CCDC170: variants seen among roughly 807,000 people sequenced by gnomAD.
CCDC170 encodes the protein coiled-coil domain-containing protein 170.
In CCDC170, 69 loss-of-function variants were observed where a neutral mutation model predicts 72.6. The observed-to-expected ratio is 0.95, with a 90% confidence interval of 0.78 to 1.16. The LOEUF (loss-of-function observed/expected upper bound fraction) is 1.16. CCDC170 is among the 50% of genes most tolerant of loss of function. The pLI, the probability that CCDC170 is intolerant of heterozygous loss-of-function variation, is 0.00. For synonymous variants in CCDC170, 300 were observed against 303.9 expected (o/e 0.99, Z 0.13); for missense variants, 852 against 832.5 (o/e 1.02, Z -0.29).
chr6:151,561,433 G>C (rs1199507208), intron 5 of CCDC170, among the ~76,000 whole-genome samples: 2 of 151,814 alleles, frequency 1.3e-5, no homozygotes, highest in African/African-American at 2.4e-5. Context: ...TTCTCTTACT[G>C]TTTGCTTGTC....
chr6:151,588,931 G>A (rs962848478), intron 7 of CCDC170, among the ~76,000 whole-genome samples: 3 of 151,646 alleles, frequency 2.0e-5, no homozygotes, highest in Admixed American at 6.6e-5. Flanking sequence ...GTGAGACCCC[G>A]TCTCAAAACA....
At chr6:151,508,995 A>G (rs1782103322) in intron 1 of CCDC170, among the ~76,000 whole-genome samples, 1 of 146,642 alleles carries the variant, frequency 6.8e-6, no homozygotes, top group Admixed American at 7.0e-5. Context: ...AGCCTGGGCA[A>G]CAAGAGCGAA....
chr6:151,562,881 G>T (rs78430543), intron 5 of CCDC170, among the ~76,000 whole-genome samples: 2,819 of 152,238 alleles, frequency 0.019, 99 homozygotes, highest in African/African-American at 0.064. Flanking sequence ...GGGCTGGGGA[G>T]TGTCCTTGCT....
chr6:151,531,535 TC>T (rs1319179291), intron 1 of CCDC170, among the ~76,000 whole-genome samples: 1 of 152,164 alleles, frequency 6.6e-6, no homozygotes, highest in Non-Finnish European at 1.5e-5. Context: ...ACCCAGGATG[TC>T]AAGGCTTAAG....
Position 151,569,668 on chromosome 6 carries a change from G to T in CCDC170, c.775-3506G>T, listed in dbSNP as rs1776191266. The stretch of plus-strand genomic sequence containing the variant: ...GCCGCTTGCTTCGGCGTATCCTTGA[G>T]GTAGCCATGGAACCAGAATCCACTC... On this transcript the variant is annotated intron_variant, in intron 5 of 10. Coordinates refer to ENST00000239374, the MANE Select transcript of CCDC170 (RefSeq NM_025059.4). Among the ~76,000 whole-genome samples the T allele has an allele frequency of 1.3e-5, 2 of 152,166 alleles. 1 individual carries two copies. Among genetic ancestry groups the T allele is most frequent in the South Asian group, 4.1e-4 (2 of 4,828 alleles).
intron 1 of CCDC170, among the ~76,000 whole-genome samples, chr6:151,533,262 G>A (rs554388937): frequency 6.6e-6 from 1 of 151,424 alleles, no homozygotes; most frequent in Non-Finnish European, 1.5e-5. Context: ...CACCATGTTA[G>A]CCAGGATGGT....
intron 1 of CCDC170, among the ~76,000 whole-genome samples, chr6:151,512,960 G>A (rs543885223): frequency 3.3e-5 from 5 of 152,262 alleles, no homozygotes; most frequent in African/African-American, 1.2e-4. Flanking sequence ...TGGTGGGAGT[G>A]TAAGTTGGTG....
Position 151,586,076 on chromosome 6 carries a change from T to C in CCDC170, c.1280T>C (p.Phe427Ser), listed in dbSNP as rs1313744847. 2.5e-6 allele frequency: 4 copies of C among 1,614,064 alleles called. No individual in the cohort carries two copies. The highest frequency in any genetic ancestry group is 3.4e-6 in the Non-Finnish European group (4 of 1,179,964). Reference sequence around the variant, plus strand: ...GGTGTTTTGCGAGACAACTTGAATTTTGAGAAACAAAAAGTAATGACCCGA... The same window carrying C: ...GGTGTTTTGCGAGACAACTTGAATTCTGAGAAACAAAAAGTAATGACCCGA... ...SGGVLRDNLN[F>S]EKQKYLKFLD... The change falls in exon 7 of 11, where the codon TTT (phenylalanine) becomes TCT (serine). Residue 427 changes from phenylalanine to serine, a missense_variant. Physicochemically the swap from Phe to Ser is radical, Grantham distance 155 (BLOSUM62 -2). Coordinates refer to ENST00000239374, the MANE Select transcript of CCDC170 (RefSeq NM_025059.4).
intron 3 of CCDC170, among the ~76,000 whole-genome samples, chr6:151,542,767 C>T (rs978206321): frequency 6.6e-6 from 1 of 152,118 alleles, no homozygotes; most frequent in African/African-American, 2.4e-5. Flanking sequence ...GTTTAGAGAC[C>T]TTTGGAATGG....
At position 151,528,793 on chromosome 6, in the gene CCDC170, G is replaced by A. The variant is rs181798575; in HGVS notation, c.58-7525G>A. 2.6e-4 allele frequency among the ~76,000 whole-genome samples: 40 copies of A among 152,114 alleles called. 1 individual carries two copies. Among genetic ancestry groups the A allele is most frequent in the African/African-American group, 8.0e-4 (33 of 41,480 alleles). On this transcript the variant is annotated intron_variant, in intron 1 of 10. Transcript: ENST00000239374. ...GTAGAGGTTGCAGTGAGCCAAGATC[G>A]TGCCACTGCACTCCAGCCTGGACAA...
chr6:151,588,204 G>C (rs115016861), intron 7 of CCDC170, among the ~76,000 whole-genome samples: 5 of 152,110 alleles, frequency 3.3e-5, no homozygotes, highest in Admixed American at 1.3e-4. Flanking sequence ...AGGGTAGCAG[G>C]GGTGTCCAAC....
At chr6:151,559,123 G>A (rs997153266) in intron 5 of CCDC170, among the ~76,000 whole-genome samples, 25 of 146,918 alleles carry the variant, frequency 1.7e-4, no homozygotes, top group African/African-American at 4.8e-4. Context: ...AATGATTCTC[G>A]TGCCCAGCTT....
chr6:151,537,903 A>C, intron 2 of CCDC170, 142 bp from the exon 3 acceptor site: 1 of 823,158 alleles, frequency 1.2e-6, no homozygotes, highest in Non-Finnish European at 1.8e-6. Flanking sequence ...TAATACAGAT[A>C]CAAATATTAG....
At chr6:151,529,485 C>T (rs748104536) in intron 1 of CCDC170, among the ~76,000 whole-genome samples, 2 of 152,022 alleles carry the variant, frequency 1.3e-5, no homozygotes, top group Non-Finnish European at 1.5e-5. Context: ...GGTGAAACCC[C>T]GTCTCCACTA....
At position 151,563,534 on chromosome 6, in the gene CCDC170, T is replaced by A. The variant is rs368151935; in HGVS notation, c.775-9640T>A. On this transcript the variant is annotated intron_variant, in intron 5 of 10. Coordinates refer to ENST00000239374, the MANE Select transcript of CCDC170 (RefSeq NM_025059.4). The stretch of plus-strand genomic sequence containing the variant: ...AAGTCAGAATGGGTTGTGGGGTATG[T>A]TTGCAAGAGATCTAGTGGTACAGTG... 1.7e-4 allele frequency among the ~76,000 whole-genome samples: 26 copies of A among 152,230 alleles called. 1 individual carries two copies. The highest frequency in any genetic ancestry group is 6.0e-4 in the African/African-American group (25 of 41,536).
chr6:151,538,548 G>A (rs557954650), intron 3 of CCDC170, among the ~76,000 whole-genome samples: 2 of 152,246 alleles, frequency 1.3e-5, no homozygotes, highest in African/African-American at 4.8e-5. Flanking sequence ...CTATCAATTA[G>A]GGCTGCAAAT....
chr6:151,575,525 C>CTTTTTTTTTTTTTTTT (rs869185539), intron 6 of CCDC170, among the ~76,000 whole-genome samples: 78 of 79,660 alleles, frequency 9.8e-4, no homozygotes, highest in East Asian at 2.3e-3. Context: ...TCTTTTCTTT[C>CTTTTTTTTTTTTTTTT]TTTTTTTTTT....
chr6:151,515,147 T>C (rs1022256684), intron 1 of CCDC170, among the ~76,000 whole-genome samples: 1 of 152,272 alleles, frequency 6.6e-6, no homozygotes, highest in African/African-American at 2.4e-5. Flanking sequence ...TATGCTCTAC[T>C]TCAAAATTAT....
chr6:151,555,158 A>G (rs1782954910), intron 5 of CCDC170, among the ~76,000 whole-genome samples: 1 of 152,022 alleles, frequency 6.6e-6, no homozygotes, highest in Admixed American at 6.6e-5. Context: ...CTGGGATTAC[A>G]GATGTGAGCC....
Sources: allele counts gnomAD v4.1 joint callset (sites outside exome capture counted in the v4.1 genomes callset), GRCh38; gene constraint gnomAD v4.1.1; transcripts MANE v1.5; gene names NCBI Gene and HGNC (gene_info 2026-07-23, HGNC 2026-07-21).